Variants in DACH2 observed in about 807,000 individuals in gnomAD.
The protein encoded by DACH2 is dachshund family transcription factor 2, also known as dachshund homolog 2.
In DACH2, 17 loss-of-function variants were observed where a neutral mutation model predicts 35.8. The observed-to-expected ratio is 0.48, with a 90% CI of 0.33 to 0.71. The LOEUF (loss-of-function observed/expected upper bound fraction) is 0.71. Ranked by LOEUF, DACH2 falls within the 30% of genes least tolerant of loss-of-function variation. The pLI, the probability that DACH2 is intolerant of heterozygous loss-of-function variation, is 0.02. For synonymous variants in DACH2, 195 were observed against 177.3 expected (o/e 1.10, Z -0.79); for missense variants, 469 against 472.7 (o/e 0.99, Z 0.07).
intron 1 of DACH2, among the ~76,000 whole-genome samples, chrX:86,250,085 A>C (rs2033368828): frequency 9.0e-6 from 1 of 111,413 alleles, no homozygotes; most frequent in South Asian, 3.7e-4. Flanking sequence ...AGGAATAAAA[A>C]ATTACCTATC....
At chrX:86,410,089 G>T (rs1240807714) in intron 2 of DACH2, among the ~76,000 whole-genome samples, 2 of 112,182 alleles carry the variant, frequency 1.8e-5, no homozygotes, top group East Asian at 5.6e-4. Flanking sequence ...TATAAACTTT[G>T]TCAGATGCAT....
At chrX:86,302,030 G>A (rs1359619596) in intron 1 of DACH2, among the ~76,000 whole-genome samples, 1 of 111,551 alleles carries the variant, frequency 9.0e-6, no homozygotes, top group Admixed American at 9.5e-5. Context: ...GGAAAGTTTT[G>A]ACTTCTGTCT....
chrX:86,290,019 C>T (rs1334565771), intron 1 of DACH2, among the ~76,000 whole-genome samples: 2 of 95,993 alleles, frequency 2.1e-5, no homozygotes, highest in Non-Finnish European at 4.1e-5. Flanking sequence ...AATGGTTGAA[C>T]TAGTTTACAG....
At chrX:86,200,463 A>C (rs2032119885) in intron 1 of DACH2, among the ~76,000 whole-genome samples, 1 of 110,777 alleles carries the variant, frequency 9.0e-6, no homozygotes, top group Non-Finnish European at 1.9e-5. Context: ...AGAGCACAAC[A>C]AAAAAACTAT....
intron 3 of DACH2, among the ~76,000 whole-genome samples, chrX:86,570,337 C>G (rs1272488506): frequency 9.0e-6 from 1 of 111,293 alleles, no homozygotes; most frequent in Non-Finnish European, 1.9e-5. Flanking sequence ...GGAATCAACC[C>G]AAATACCCAT....
intron 4 of DACH2, among the ~76,000 whole-genome samples, chrX:86,680,575 T>A (rs769620576): frequency 2.1e-4 from 23 of 111,469 alleles, no homozygotes; most frequent in African/African-American, 7.1e-4. Context: ...TACTCATCAT[T>A]GTTTTATTTA....
At chrX:86,201,095 A>C (rs1045539455) in intron 1 of DACH2, among the ~76,000 whole-genome samples, 5 of 111,728 alleles carry the variant, frequency 4.5e-5, no homozygotes, top group Non-Finnish European at 9.4e-5. Flanking sequence ...ATCATGGAAT[A>C]CTATGCAGTC....
At chrX:86,653,774 T>C (rs1364496821) in intron 4 of DACH2, among the ~76,000 whole-genome samples, 2 of 104,316 alleles carry the variant, frequency 1.9e-5, no homozygotes, top group Admixed American at 1.1e-4. Context: ...CAAGCAATTC[T>C]CCCTGCCGCA....
chrX:86,193,395 G>T (rs2031887850), intron 1 of DACH2, among the ~76,000 whole-genome samples: 2 of 111,827 alleles, frequency 1.8e-5, no homozygotes, highest in South Asian at 7.3e-4. Flanking sequence ...ATACAACAAA[G>T]TCAAGGGCAT....
chrX:86,431,743 G>T (rs2036988844), intron 2 of DACH2, among the ~76,000 whole-genome samples: 2 of 111,625 alleles, frequency 1.8e-5, no homozygotes, highest in Non-Finnish European at 3.8e-5. Context: ...TGAATAATTA[G>T]ATTACTTGCT....
chrX:86,284,290 A>T (rs1316833411), intron 1 of DACH2, among the ~76,000 whole-genome samples: 1 of 111,421 alleles, frequency 9.0e-6, no homozygotes, highest in Non-Finnish European at 1.9e-5. Context: ...TAGGGTATTT[A>T]TCATGAAGGG....
At chrX:86,785,195 A>G (rs1055402045) in intron 7 of DACH2, among the ~76,000 whole-genome samples, 6 of 111,834 alleles carry the variant, frequency 5.4e-5, no homozygotes, top group Non-Finnish European at 9.4e-5. Flanking sequence ...GGAGATGATC[A>G]TGCAAATTTT....
intron 6 of DACH2, among the ~76,000 whole-genome samples, chrX:86,731,634 C>T (rs141610156): frequency 0.016 from 1,826 of 111,706 alleles, 37 homozygotes; most frequent in African/African-American, 0.056. Context: ...GGGAGTTTAG[C>T]TTAATTGCAT....
intron 2 of DACH2, among the ~76,000 whole-genome samples, chrX:86,402,834 C>T (rs2036458488): frequency 8.9e-6 from 1 of 111,901 alleles, no homozygotes; most frequent in African/African-American, 3.2e-5. Context: ...ACAAAAACAG[C>T]CATATTGACA....
At chrX:86,294,596 G>A (rs2034398772) in intron 1 of DACH2, among the ~76,000 whole-genome samples, 1 of 109,524 alleles carries the variant, frequency 9.1e-6, no homozygotes, top group Non-Finnish European at 1.9e-5. Flanking sequence ...GTACAGATGG[G>A]TTTTTGGTGT....
At chrX:86,149,216 T>G (rs753585645) in intron 1 of DACH2, 108 bp downstream of exon 1, 2 of 928,282 alleles carry the variant, frequency 2.2e-6, no homozygotes, top group African/African-American at 2.0e-5. Context: ...CTTAACTAGT[T>G]TGCCTCTATT....
intron 2 of DACH2, among the ~76,000 whole-genome samples, chrX:86,509,059 C>G (rs1469836167): frequency 9.0e-6 from 1 of 111,630 alleles, no homozygotes; most frequent in Non-Finnish European, 1.9e-5. Context: ...GACCCATTGA[C>G]AAGTGGAGGT....
At chrX:86,795,803 T>C (rs1477508839) in intron 7 of DACH2, among the ~76,000 whole-genome samples, 1 of 109,215 alleles carries the variant, frequency 9.2e-6, no homozygotes, top group Middle Eastern at 4.3e-3. Flanking sequence ...GGAGTGAAGC[T>C]GCAGACCTTC....
chrX:86,553,364 C>A (rs1389349774), intron 3 of DACH2, among the ~76,000 whole-genome samples: 2 of 111,741 alleles, frequency 1.8e-5, no homozygotes, highest in African/African-American at 6.5e-5. Flanking sequence ...TCTAGCCATG[C>A]TGGCAGCTGA....
Sources: gnomAD v4.1 joint callset for allele counts (sites outside exome capture counted in the v4.1 genomes callset) on GRCh38, gnomAD v4.1.1 for gene constraint, MANE v1.5 for transcripts, NCBI Gene and HGNC (gene_info 2026-07-23, HGNC 2026-07-21) for gene names.